The following RAB11FIP4 variants were observed in gnomAD, a reference collection of about 807,000 sequenced individuals.
RAB11FIP4 encodes the protein RAB11 family interacting protein 4.
Under a neutral mutation model 74.3 loss-of-function variants are expected in RAB11FIP4, and 23 were observed. That is an observed-to-expected ratio of 0.31 (90% CI 0.22 to 0.44). The LOEUF (loss-of-function observed/expected upper bound fraction) is 0.44. Among genes scored for constraint, RAB11FIP4 ranks in the 20% least tolerant of loss-of-function variants. RAB11FIP4 has a pLI of 1.00. For synonymous variants in RAB11FIP4, 360 were observed against 359.9 expected, an observed-to-expected ratio of 1.00 and a Z score of 0.00; for missense variants, 630 against 863.9, an observed-to-expected ratio of 0.73 and a Z score of 3.39.
chr17:31,488,831 T>C (rs1329004054), intron 3 of RAB11FIP4, among the ~76,000 whole-genome samples: 3 of 152,010 alleles, frequency 2.0e-5, no homozygotes, highest in South Asian at 2.1e-4. Flanking sequence ...AGGCGGCCGG[T>C]CTGGCCCGGT....
At chr17:31,524,819 C>A in intron 9 of RAB11FIP4, 1 of 539,954 alleles carries the variant, frequency 1.9e-6, no homozygotes. Flanking sequence ...CCAGGTGTGG[C>A]TGCAGGGACT....
intron 1 of RAB11FIP4, among the ~76,000 whole-genome samples, chr17:31,420,033 T>C (rs923221786): frequency 6.6e-6 from 1 of 152,216 alleles, no homozygotes; most frequent in Admixed American, 6.5e-5. Flanking sequence ...TTTGGAAGGA[T>C]ATAAATTGGG....
chr17:31,440,088 C>A (rs2071394068), intron 3 of RAB11FIP4, among the ~76,000 whole-genome samples: 1 of 152,074 alleles, frequency 6.6e-6, no homozygotes, highest in Non-Finnish European at 1.5e-5. Flanking sequence ...TCATTTTGTG[C>A]CTTCTGTACC....
At chr17:31,504,291 C>T (rs867807782) in intron 3 of RAB11FIP4, among the ~76,000 whole-genome samples, 10 of 149,948 alleles carry the variant, frequency 6.7e-5, no homozygotes, top group South Asian at 2.1e-4. Context: ...CCACCACGCC[C>T]GGCTAATTTT....
chr17:31,523,096 G>C, intron 7 of RAB11FIP4: 1 of 238,726 alleles, frequency 4.2e-6, no homozygotes, highest in South Asian at 6.9e-5. Flanking sequence ...GAGCCAGCTT[G>C]GTGGAGAGGC....
Position 31,511,664 on chromosome 17 carries a change from G to A in RAB11FIP4, c.337-5987G>A, listed in dbSNP as rs1284424788. On this transcript the variant is annotated intron_variant, in intron 3 of 14. Transcript: ENST00000621161. ...GCTCAGGGAAACGCAGGGTGCTGGC[G>A]TGTGCCTGTGAGGTGGCTCCCCATG... Among the ~76,000 whole-genome samples, 5 of 152,228 alleles carry A rather than the reference G, an allele frequency of 3.3e-5. No individual in the cohort carries two copies. In the East Asian group the frequency reaches 7.7e-4, roughly 23 times the overall value.
chr17:31,531,741 G>C lies in RAB11FIP4; in HGVS notation c.*9G>C, dbSNP rs1169059955. Reference sequence around the variant, plus strand: ...TCGAGATCAAACACTAAGGCACGGGGCTGGCTGCAGAGCAGCCTTAGGACC... The same window carrying C: ...TCGAGATCAAACACTAAGGCACGGGCCTGGCTGCAGAGCAGCCTTAGGACC... On this transcript the variant is annotated 3_prime_UTR_variant, in exon 15 of 15. Transcript: ENST00000621161. 3.8e-6 allele frequency: 6 copies of C among 1,585,610 alleles called. No individual in the cohort carries two copies. The highest frequency in any genetic ancestry group is 5.2e-6 in the Non-Finnish European group (6 of 1,154,204).
chr17:31,499,961 T>C (rs1156357739), intron 3 of RAB11FIP4, among the ~76,000 whole-genome samples: 1 of 152,162 alleles, frequency 6.6e-6, no homozygotes, highest in African/African-American at 2.4e-5. Flanking sequence ...GCAATTTAAG[T>C]TCTGTTTTCT....
chr17:31,430,166 C>G (rs2071293496), intron 1 of RAB11FIP4, among the ~76,000 whole-genome samples: 1 of 152,058 alleles, frequency 6.6e-6, no homozygotes, highest in Admixed American at 6.6e-5. Context: ...GGGAGGACAG[C>G]TGTCCAAGTT....
At chr17:31,402,600 T>A (rs113188917) in intron 1 of RAB11FIP4, among the ~76,000 whole-genome samples, 1 of 139,230 alleles carries the variant, frequency 7.2e-6, no homozygotes, top group African/African-American at 2.6e-5. Flanking sequence ...TTATTTATTT[T>A]TATTTATTTA....
chr17:31,417,652 G>A (rs2071161091), intron 1 of RAB11FIP4, among the ~76,000 whole-genome samples: 1 of 152,208 alleles, frequency 6.6e-6, no homozygotes, highest in South Asian at 2.1e-4. Flanking sequence ...GCCTAGGTGG[G>A]GCTGCGGTGG....
At chr17:31,426,648 G>A (rs567696746) in intron 1 of RAB11FIP4, among the ~76,000 whole-genome samples, 17 of 140,660 alleles carry the variant, frequency 1.2e-4, no homozygotes, top group African/African-American at 4.5e-4. Flanking sequence ...GCCCAGGCTG[G>A]AGTGCAATGG....
chr17:31,517,720 G>A lies in RAB11FIP4; in HGVS notation c.406G>A (p.Glu136Lys), dbSNP rs764025451. Residue 136 changes from glutamate to lysine, a missense_variant, in exon 4 of 15, where the codon GAG becomes AAG. Glu to Lys is a moderately conservative substitution (Grantham distance 56, BLOSUM62 1). Transcript: ENST00000621161. ...LIPREPGFFP[E>K]DEEEAMTLAP... ...CCCCAGGGAACCCGGCTTTTTTCCC[G>A]AGGACGAGGAGGAGGCTATGACGCT... 13 of 1,601,478 alleles carry A rather than the reference G, an allele frequency of 8.1e-6. No individual in the cohort carries two copies. The African/African-American group carries it at 1.1e-4, about 13-fold the overall frequency.
intron 3 of RAB11FIP4, among the ~76,000 whole-genome samples, chr17:31,471,229 A>ATTTTTT (rs35208927): frequency 7.1e-6 from 1 of 139,890 alleles, no homozygotes; most frequent in East Asian, 2.1e-4. Flanking sequence ...TGCCCAGCTA[A>ATTTTTT]TTTTTTTTTT....
In RAB11FIP4 at chr17:31,446,647, A is replaced by ACC. The variant is rs71954204; in HGVS notation, c.336+12532_336+12533dup. Among the ~76,000 whole-genome samples the ACC allele has an allele frequency of 1.6e-4, 24 of 147,760 alleles. No homozygotes were observed. The East Asian group carries it at 2.0e-3, about 12-fold the overall frequency. ...CAATCTCAAGAGAAAACTAGAAAAG[A>ACC]CCCCCCCCACGTCTTTGGGGGGATT... On this transcript the variant is annotated intron_variant, in intron 3 of 14. Transcript: ENST00000621161.
At chr17:31,470,580 T>TTC (rs2071727719) in intron 3 of RAB11FIP4, among the ~76,000 whole-genome samples, 1 of 152,168 alleles carries the variant, frequency 6.6e-6, no homozygotes, top group Non-Finnish European at 1.5e-5. Context: ...GCTCTCATGA[T>TTC]CCAATGGAGG....
chr17:31,453,121 T>A (rs1286054733), intron 3 of RAB11FIP4, among the ~76,000 whole-genome samples: 1 of 151,838 alleles, frequency 6.6e-6, no homozygotes, highest in Non-Finnish European at 1.5e-5. Context: ...GAGGCCAAGG[T>A]GGATGGATTG....
intron 1 of RAB11FIP4, among the ~76,000 whole-genome samples, chr17:31,427,755 C>T (rs1472075173): frequency 3.9e-5 from 6 of 152,206 alleles, no homozygotes; most frequent in African/African-American, 1.4e-4. Flanking sequence ...TCACAGGCCC[C>T]CTATAATGCC....
chr17:31,502,998 A>T (rs2072250304), intron 3 of RAB11FIP4, among the ~76,000 whole-genome samples: 2 of 149,534 alleles, frequency 1.3e-5, no homozygotes, highest in Admixed American at 1.3e-4. Flanking sequence ...TAGGACTTCA[A>T]TTTAAATGAA....
Sources: allele counts gnomAD v4.1 joint callset (sites outside exome capture counted in the v4.1 genomes callset), GRCh38; gene constraint gnomAD v4.1.1; transcripts MANE v1.5; gene names NCBI Gene and HGNC (gene_info 2026-07-23, HGNC 2026-07-21).